FGGY: variants seen among roughly 807,000 people sequenced by gnomAD.
FGGY encodes the protein FGGY carbohydrate kinase domain containing.
FGGY carries 72 observed loss-of-function variants against 71.3 expected under a neutral mutation model. That is an observed-to-expected ratio of 1.01 (90% confidence interval 0.84 to 1.23). The LOEUF (loss-of-function observed/expected upper bound fraction) is 1.23, where lower values mean the gene tolerates loss of function less well. FGGY is among the 50% of genes most tolerant of loss of function. The pLI, the probability that FGGY is intolerant of heterozygous loss-of-function variation, is 0.00. For synonymous variants in FGGY, 251 were observed against 250.3 expected (o/e 1.00, Z -0.02); for missense variants, 668 against 682.3 (o/e 0.98, Z 0.23).
At chr1:59,533,561 AAGAC>A (rs751126080) in intron 7 of FGGY, among the ~76,000 whole-genome samples, 30 of 141,944 alleles carry the variant, frequency 2.1e-4, no homozygotes, top group Middle Eastern at 3.6e-3. Context: ...AACAGACAAA[AAGAC>A]AGCAGTAACC....
intron 14 of FGGY, among the ~76,000 whole-genome samples, chr1:59,704,543 A>C (rs1310411398): frequency 2.0e-5 from 3 of 152,272 alleles, no homozygotes; most frequent in East Asian, 3.9e-4. Flanking sequence ...TACTGTTTAA[A>C]TAGTAGAGGA....
chr1:59,622,649 G>T (rs543177486), intron 9 of FGGY, among the ~76,000 whole-genome samples: 2 of 152,122 alleles, frequency 1.3e-5, no homozygotes, highest in South Asian at 4.2e-4. Context: ...CCTTTCTATG[G>T]CTCTCTCTTT....
intron 11 of FGGY, among the ~76,000 whole-genome samples, chr1:59,642,998 G>A (rs966761737): frequency 2.8e-5 from 4 of 144,170 alleles, no homozygotes; most frequent in Non-Finnish European, 6.0e-5. Context: ...TCACGCCACT[G>A]CACTCTAGCC....
At chr1:59,475,091 C>T (rs1323279350) in intron 6 of FGGY, among the ~76,000 whole-genome samples, 2 of 152,136 alleles carry the variant, frequency 1.3e-5, no homozygotes, top group African/African-American at 2.4e-5. Context: ...AGACCATAAC[C>T]CCTTGAATAA....
chr1:59,678,077 G>T (rs916445061), intron 14 of FGGY, among the ~76,000 whole-genome samples: 2 of 152,326 alleles, frequency 1.3e-5, no homozygotes, highest in East Asian at 3.9e-4. Context: ...CTTTACTAAA[G>T]AGAACAGTCT....
intron 5 of FGGY, among the ~76,000 whole-genome samples, chr1:59,403,861 T>C (rs1013211490): frequency 1.3e-5 from 2 of 152,248 alleles, no homozygotes; most frequent in African/African-American, 4.8e-5. Context: ...ACAAGTACCT[T>C]AACTTTCTGT....
In FGGY at chr1:59,345,400, G is replaced by T. The variant is rs147093776; in HGVS notation, c.314-847G>T. ...TCTGGCTTGCCCATTGGTACAGGAT[G>T]AATTAACAGAGGCTGGGGAGAGAGA... On this transcript the variant is annotated intron_variant, in intron 3 of 15. Transcript: ENST00000303721. Among the ~76,000 whole-genome samples the T allele has an allele frequency of 1.6e-4, 24 of 152,270 alleles. No homozygotes were observed. The East Asian group carries it at 4.6e-3, about 29-fold the overall frequency.
chr1:59,637,721 T>A (rs1374687478), intron 10 of FGGY, among the ~76,000 whole-genome samples: 1 of 152,170 alleles, frequency 6.6e-6, no homozygotes, highest in African/African-American at 2.4e-5. Context: ...CTTAGCAAAA[T>A]CCTATCCTGA....
At chr1:59,387,593 T>A (rs535838970) in intron 5 of FGGY, among the ~76,000 whole-genome samples, 7 of 152,156 alleles carry the variant, frequency 4.6e-5, no homozygotes, top group East Asian at 1.9e-4. Flanking sequence ...TAAAAAAAAA[T>A]TTTTTTGCAG....
chr1:59,438,254 A>G (rs2068949493), intron 5 of FGGY, among the ~76,000 whole-genome samples: 1 of 152,224 alleles, frequency 6.6e-6, no homozygotes. Context: ...TTTCAATCCA[A>G]GTTAGCCTGT....
At chr1:59,467,102 G>A (rs922077205) in intron 6 of FGGY, among the ~76,000 whole-genome samples, 2 of 152,014 alleles carry the variant, frequency 1.3e-5, no homozygotes, top group East Asian at 1.9e-4. Context: ...GAACCAAGTC[G>A]AATTTCCACC....
intron 5 of FGGY, among the ~76,000 whole-genome samples, chr1:59,406,710 A>G (rs1339174828): frequency 1.3e-5 from 2 of 152,160 alleles, no homozygotes; most frequent in Non-Finnish European, 2.9e-5. Flanking sequence ...TCCCTAATTT[A>G]ATGTTTTTGG....
intron 6 of FGGY, among the ~76,000 whole-genome samples, chr1:59,479,038 A>G (rs2093373840): frequency 1.3e-5 from 2 of 152,254 alleles, no homozygotes; most frequent in Non-Finnish European, 2.9e-5. Context: ...AACACTGAGC[A>G]CAGATGCTGT....
chr1:59,480,685 G>A (rs889888261), intron 6 of FGGY, among the ~76,000 whole-genome samples: 3 of 152,322 alleles, frequency 2.0e-5, no homozygotes, highest in Non-Finnish European at 4.4e-5. Flanking sequence ...GAAGAGTTGA[G>A]TGAAGGAGAT....
At chr1:59,611,944 A>G (rs2096686282) in intron 9 of FGGY, among the ~76,000 whole-genome samples, 1 of 152,224 alleles carries the variant, frequency 6.6e-6, no homozygotes, top group East Asian at 1.9e-4. Flanking sequence ...AGAGAAGTTT[A>G]GAGAAAAAAG....
rs559416276 is a variant in FGGY, at chr1:59,306,302, CT to C, written c.-15+9156del. Among the ~76,000 whole-genome samples the C allele has an allele frequency of 1.2e-3, 184 of 152,224 alleles. 1 individual carries two copies. The highest frequency in any genetic ancestry group is 3.3e-3 in the Admixed American group (50 of 15,278). On this transcript the variant is annotated intron_variant, in intron 1 of 15. Coordinates refer to ENST00000303721, the MANE Select transcript of FGGY (RefSeq NM_018291.5). Reference sequence around the variant, plus strand: ...CTCAGATACCAATAATAAAGGGGAACTTTTACCACTTCAAGGTGCTAAGAGC... The same window carrying C: ...CTCAGATACCAATAATAAAGGGGAACTTTACCACTTCAAGGTGCTAAGAGC...
intron 4 of FGGY, among the ~76,000 whole-genome samples, chr1:59,365,526 C>A (rs2056434408): frequency 6.6e-6 from 1 of 152,194 alleles, no homozygotes; most frequent in Non-Finnish European, 1.5e-5. Flanking sequence ...CTCATCTCCT[C>A]CAGTAAGAAA....
chr1:59,309,267 T>C (rs2043895125), intron 1 of FGGY, among the ~76,000 whole-genome samples: 1 of 152,222 alleles, frequency 6.6e-6, no homozygotes, highest in Non-Finnish European at 1.5e-5. Context: ...AGTGTTGTTT[T>C]GATTTATATT....
chr1:59,364,567 A>C (rs2056234410), intron 4 of FGGY, among the ~76,000 whole-genome samples: 1 of 152,234 alleles, frequency 6.6e-6, no homozygotes, highest in Non-Finnish European at 1.5e-5. Context: ...TAGATCAGAC[A>C]AACTGCTGTG....
Sources: gnomAD v4.1 joint callset for allele counts (sites outside exome capture counted in the v4.1 genomes callset) on GRCh38, gnomAD v4.1.1 for gene constraint, MANE v1.5 for transcripts, NCBI Gene and HGNC (gene_info 2026-07-23, HGNC 2026-07-21) for gene names.